The following GRIN2B variants were observed in gnomAD, a reference collection of about 807,000 sequenced individuals.
GRIN2B encodes the protein glutamate receptor ionotropic, NMDA 2B.
In GRIN2B, 5 loss-of-function variants were observed where a neutral mutation model predicts 114.5. That is an observed-to-expected ratio of 0.04 (90% CI 0.02 to 0.09). The LOEUF (loss-of-function observed/expected upper bound fraction) is 0.09. Among genes scored for constraint, GRIN2B ranks in the 10% least tolerant of loss-of-function variants. The pLI is 1.00. For missense variants in GRIN2B, 1,108 were observed against 1,943.5 expected (o/e 0.57, Z 8.08); for synonymous variants, 787 against 745.1 (o/e 1.06, Z -0.92).
intron 12 of GRIN2B, among the ~76,000 whole-genome samples, chr12:13,569,318 T>C (rs1948678064): frequency 6.6e-6 from 1 of 152,200 alleles, no homozygotes; most frequent in African/African-American, 2.4e-5. Flanking sequence ...CAAACATAAT[T>C]AAGCTGAGAT....
chr12:13,625,163 A>T (rs1490875623), intron 5 of GRIN2B, among the ~76,000 whole-genome samples: 2 of 152,256 alleles, frequency 1.3e-5, no homozygotes, highest in Non-Finnish European at 2.9e-5. Flanking sequence ...TATAGACCAA[A>T]AAACCCAAGG....
At position 13,617,564 on chromosome 12, in the gene GRIN2B, G is replaced by T. The variant is rs1949460161; in HGVS notation, c.1126-907C>A. Among the ~76,000 whole-genome samples, 4 of 152,208 alleles carry T rather than the reference G, an allele frequency of 2.6e-5. 1 individual carries two copies. In the South Asian group the frequency reaches 8.3e-4, roughly 31 times the overall value. ...GGAATCAACATGGCTTTGTTGGGGG[G>T]TTCTCATTCTCTCTGTCTCATTGAG... is the stretch of plus-strand genomic sequence containing the variant. On this transcript the variant is annotated intron_variant, in intron 5 of 13. Coordinates refer to ENST00000609686, the MANE Select transcript of GRIN2B (RefSeq NM_000834.5).
At position 13,615,406 on chromosome 12, in the gene GRIN2B, G is replaced by T; in HGVS notation, c.1500+87C>A. On this transcript the variant is annotated intron_variant, in intron 7 of 13. Transcript: ENST00000609686. This position sits in a 1 kb window ranked among gnomAD's most constrained non-coding sequence, Gnocchi z 5.8. ...TTTGCCATTTTATATTTTCTGAAAT[G>T]CATAAAGTGAGCACGTTTTAAACTT... 1.4e-6 allele frequency: 2 copies of T among 1,435,146 alleles called. No individual in the cohort carries two copies. The highest frequency in any genetic ancestry group is 2.0e-6 in the Non-Finnish European group (2 of 1,016,938). 88.9% of individuals were successfully genotyped at this position (1,435,146 alleles called of 1,614,324 possible).
chr12:13,933,547 C>T (rs1486522756), intron 2 of GRIN2B, among the ~76,000 whole-genome samples: 1 of 152,190 alleles, frequency 6.6e-6, no homozygotes, highest in Non-Finnish European at 1.5e-5. Flanking sequence ...CCCTGCCTTC[C>T]CAAATGCAAC....
chr12:13,963,914 G>A (rs1867743466), intron 2 of GRIN2B, among the ~76,000 whole-genome samples: 1 of 152,142 alleles, frequency 6.6e-6, no homozygotes, highest in Non-Finnish European at 1.5e-5. Flanking sequence ...AATCTCCCAT[G>A]GTGGGAAAGG....
At chr12:13,912,232 A>C (rs1866637515) in intron 2 of GRIN2B, among the ~76,000 whole-genome samples, 1 of 152,162 alleles carries the variant, frequency 6.6e-6, no homozygotes, top group Admixed American at 6.5e-5. Context: ...AACTCTGTGC[A>C]GTGAATAATA....
At chr12:13,681,492 C>T (rs1195203722) in intron 4 of GRIN2B, among the ~76,000 whole-genome samples, 3 of 151,922 alleles carry the variant, frequency 2.0e-5, no homozygotes, top group Non-Finnish European at 4.4e-5. Context: ...AATTCTTGAC[C>T]CCCTCTTTTT....
intron 2 of GRIN2B, among the ~76,000 whole-genome samples, chr12:13,874,704 T>A (rs1014178214): frequency 8.5e-5 from 13 of 152,188 alleles, no homozygotes; most frequent in Non-Finnish European, 1.5e-4. Context: ...TTTTCAAGTG[T>A]TAATAAAAAT....
At chr12:13,697,627 G>T (rs1003076406) in intron 4 of GRIN2B, among the ~76,000 whole-genome samples, 1 of 152,126 alleles carries the variant, frequency 6.6e-6, no homozygotes, top group Non-Finnish European at 1.5e-5. Flanking sequence ...TTTGTCCAAG[G>T]TTGCACTTAG....
Position 13,563,325 on chromosome 12 carries a change from C to A in GRIN2B, c.3913G>T (p.Asp1305Tyr). ...RNKLRRQHSY[D>Y]TFVDLQKEEA... ...TCCTTCTGCAGGTCCACGAAGGTGT[C>A]GTAGGAGTGCTGCCGGCGCAGTTTG... The change falls in exon 14 of 14, where the codon GAC (aspartate) becomes TAC (tyrosine). Residue 1305 changes from aspartate (D) to tyrosine (Y), a missense_variant. By Grantham distance (160) the Asp-to-Tyr change is radical. Around this residue, in one of 19 missense-constraint regions of GRIN2B, gnomAD observed 478 missense variants for 506.0 expected, o/e 0.94. Transcript: ENST00000609686. 6.2e-7 allele frequency: 1 copy of A among 1,614,180 alleles called. No individual in the cohort carries two copies. The highest frequency in any genetic ancestry group is 8.5e-7 in the Non-Finnish European group (1 of 1,180,016).
intron 4 of GRIN2B, among the ~76,000 whole-genome samples, chr12:13,694,589 C>T (rs949409331): frequency 7.0e-5 from 10 of 142,954 alleles, no homozygotes; most frequent in Admixed American, 1.4e-4. Flanking sequence ...TTGAGGTTTA[C>T]CCCAAAATTA....
chr12:13,974,109 T>C (rs1862976361), intron 2 of GRIN2B, among the ~76,000 whole-genome samples: 1 of 152,214 alleles, frequency 6.6e-6, no homozygotes, highest in Non-Finnish European at 1.5e-5. Context: ...CTGAAGGGCA[T>C]GGCAACTTTT....
chr12:13,923,646 GA>G (rs1475242410), intron 2 of GRIN2B, among the ~76,000 whole-genome samples: 2 of 152,170 alleles, frequency 1.3e-5, no homozygotes, highest in Non-Finnish European at 2.9e-5. Flanking sequence ...GTAAAGGGAT[GA>G]ATGTTCACAA....
rs1948390996 is a variant in GRIN2B, at chr12:13,550,039, C to CGGACA, written c.*12743_*12744insTGTCC. On this transcript the variant is annotated 3_prime_UTR_variant, in exon 14 of 14. Transcript: ENST00000609686. ...TTAGAAATTTGGACAAGTTTTGGTTCAGCCAAGTTTTGGTTCTGTCAAGAA... is the reference window on the plus strand; with the variant it reads ...TTAGAAATTTGGACAAGTTTTGGTTCGGACAAGCCAAGTTTTGGTTCTGTCAAGAA... 5 of 152,306 alleles carry CGGACA rather than the reference C, an allele frequency of 3.3e-5. No homozygotes were observed. In the South Asian group the frequency reaches 1.0e-3, roughly 32 times the overall value. 9.4% of individuals were successfully genotyped at this position (152,306 alleles called of 1,614,324 possible).
At chr12:13,604,530 A>G (rs1949211316) in intron 10 of GRIN2B, among the ~76,000 whole-genome samples, 1 of 152,216 alleles carries the variant, frequency 6.6e-6, no homozygotes, top group South Asian at 2.1e-4. Flanking sequence ...AAGTTTAGGA[A>G]CCCTTCTCCA....
chr12:13,925,828 A>G (rs1866902373), intron 2 of GRIN2B, among the ~76,000 whole-genome samples: 3 of 152,186 alleles, frequency 2.0e-5, no homozygotes, highest in Admixed American at 2.0e-4. Context: ...GGTTTTTACA[A>G]TAAGTACTGC....
chr12:13,598,981 C>T (rs908976239), intron 10 of GRIN2B, among the ~76,000 whole-genome samples: 4 of 152,194 alleles, frequency 2.6e-5, no homozygotes, highest in Non-Finnish European at 1.5e-5. Context: ...CAAGCTGCTC[C>T]GTGCTGAGGG....
intron 3 of GRIN2B, among the ~76,000 whole-genome samples, chr12:13,849,426 C>T (rs889595634): frequency 6.6e-6 from 1 of 152,136 alleles, no homozygotes; most frequent in Admixed American, 6.5e-5. Flanking sequence ...GTTGCACTCA[C>T]ACTTCCTGCC....
At chr12:13,896,822 T>G (rs1866363777) in intron 2 of GRIN2B, among the ~76,000 whole-genome samples, 1 of 152,176 alleles carries the variant, frequency 6.6e-6, no homozygotes, top group South Asian at 2.1e-4. Context: ...TAGTGTGGCT[T>G]TCACATGCAC....
Sources: allele counts gnomAD v4.1 joint callset (sites outside exome capture counted in the v4.1 genomes callset), GRCh38; gene constraint gnomAD v4.1.1; regional missense constraint gnomAD v4.1.1; non-coding constraint Gnocchi (gnomAD v3.1); transcripts MANE v1.5; gene names NCBI Gene and HGNC (gene_info 2026-07-23, HGNC 2026-07-21).